FABP12: variants seen among roughly 807,000 people sequenced by gnomAD.
FABP12 encodes the protein fatty acid-binding protein 12.
A neutral mutation model predicts 13.7 loss-of-function variants in FABP12; 19 were observed. The ratio of observed to expected loss-of-function variants is 1.39; its 90% CI spans 0.97 to 2.04. The LOEUF is 2.04. Among genes scored for constraint, FABP12 ranks in the 30% most tolerant of loss-of-function variants. FABP12 has a pLI of 0.00. For missense variants in FABP12, 182 were observed against 164.2 expected, an observed-to-expected ratio of 1.11 and a Z score of -0.59; for synonymous variants, 61 against 57.0, an observed-to-expected ratio of 1.07 and a Z score of -0.32.
At chr8:81,552,430 G>T (rs189508248) in intron 1 of FABP12, among the ~76,000 whole-genome samples, 59 of 152,286 alleles carry the variant, frequency 3.9e-4, no homozygotes, top group Middle Eastern at 3.4e-3. Flanking sequence ...GGTGTTGGCA[G>T]CTGTTGAAGA....
At chr8:81,553,770 T>C (rs1273894624) in intron 1 of FABP12, among the ~76,000 whole-genome samples, 1 of 152,228 alleles carries the variant, frequency 6.6e-6, no homozygotes, top group African/African-American at 2.4e-5. Flanking sequence ...ATGTTACTTT[T>C]GTAGTGTTTC....
In FABP12 at chr8:81,549,209, G is replaced by A. The variant is rs542611860; in HGVS notation, c.-184-9466C>T. Among the ~76,000 whole-genome samples the A allele has an allele frequency of 3.1e-4, 42 of 137,274 alleles. 1 individual carries two copies. In the South Asian group the frequency reaches 6.4e-3, roughly 21 times the overall value. 90.1% of individuals were successfully genotyped at this position (137,274 alleles called of 152,430 possible). A position where few individuals can be genotyped will look rare whatever the true frequency, so the allele number is the denominator to read the frequency against. On this transcript the variant is annotated intron_variant, in intron 1 of 5. Coordinates refer to the FABP12 transcript ENST00000692030. ...CTCTTTCAATCTCTCTCTCTCTTTC[G>A]CCTCTACACAGACACACATACACAC...
At chr8:81,567,412 C>T (rs1481519812) in intron 1 of FABP12, among the ~76,000 whole-genome samples, 1 of 152,226 alleles carries the variant, frequency 6.6e-6, no homozygotes, top group Non-Finnish European at 1.5e-5. Flanking sequence ...TCAAATTACA[C>T]TGCAGAGCTA....
chr8:81,577,759 C>A (rs1810077393), intron 1 of FABP12, among the ~76,000 whole-genome samples: 1 of 151,954 alleles, frequency 6.6e-6, no homozygotes, highest in Non-Finnish European at 1.5e-5. Flanking sequence ...GACTCCGTCT[C>A]AAAAAAATAA....
At chr8:81,588,278 T>C (rs1810272703) in intron 1 of FABP12, among the ~76,000 whole-genome samples, 1 of 152,224 alleles carries the variant, frequency 6.6e-6, no homozygotes, top group Non-Finnish European at 1.5e-5. Flanking sequence ...GTTTTCTAGA[T>C]ATAGAATCAT....
chr8:81,574,978 T>A (rs1191269955), intron 1 of FABP12, among the ~76,000 whole-genome samples: 6 of 152,138 alleles, frequency 3.9e-5, no homozygotes, highest in African/African-American at 1.4e-4. Context: ...GGTTATTTCT[T>A]TTTTTCTGCT....
intron 1 of FABP12, among the ~76,000 whole-genome samples, chr8:81,561,193 T>TA (rs915125500): frequency 1.3e-5 from 2 of 152,188 alleles, no homozygotes. Flanking sequence ...TCCAAATCTC[T>TA]AAAACAGAGT....
At chr8:81,558,619 C>T (rs1356515939) in intron 1 of FABP12, among the ~76,000 whole-genome samples, 8 of 152,072 alleles carry the variant, frequency 5.3e-5, no homozygotes, top group Non-Finnish European at 1.0e-4. Flanking sequence ...GGGCAGGGCG[C>T]GGTGGCTCGT....
At chr8:81,584,255 G>T (rs960599160) in intron 1 of FABP12, among the ~76,000 whole-genome samples, 1 of 152,200 alleles carries the variant, frequency 6.6e-6, no homozygotes, top group Non-Finnish European at 1.5e-5. Flanking sequence ...TGTCAAAGGC[G>T]TGGTGTTAGA....
At chr8:81,525,720 G>A (rs1406058135) in intron 4 of FABP12, 1 of 152,040 alleles carries the variant, frequency 6.6e-6, no homozygotes, top group African/African-American at 2.4e-5. Context: ...ATACAATTTG[G>A]AATTTAAGTT....
intron 3 of FABP12, 51 bp downstream of exon 3, chr8:81,529,387 T>C: frequency 6.4e-7 from 1 of 1,572,242 alleles, no homozygotes; most frequent in Non-Finnish European, 8.8e-7. Flanking sequence ...GAGGATGATA[T>C]CTGACTAACA....
chr8:81,571,233 A>G (rs1011309582), intron 1 of FABP12, among the ~76,000 whole-genome samples: 1 of 152,218 alleles, frequency 6.6e-6, no homozygotes, highest in Non-Finnish European at 1.5e-5. Flanking sequence ...CAGCCAGAGC[A>G]GGCACCTCCG....
At chr8:81,528,678 C>T (rs1313208742) in intron 3 of FABP12, among the ~76,000 whole-genome samples, 1 of 152,086 alleles carries the variant, frequency 6.6e-6, no homozygotes, top group Non-Finnish European at 1.5e-5. Flanking sequence ...CTCTTACATT[C>T]TGGTGTAGGG....
At chr8:81,550,243 C>T (rs1157743921) in intron 1 of FABP12, among the ~76,000 whole-genome samples, 4 of 152,140 alleles carry the variant, frequency 2.6e-5, no homozygotes, top group African/African-American at 9.7e-5. Context: ...AAGATACAAC[C>T]TTGTTCTCAT....
intron 1 of FABP12, among the ~76,000 whole-genome samples, chr8:81,556,498 T>G (rs1809618072): frequency 1.3e-5 from 2 of 152,088 alleles, no homozygotes; most frequent in Admixed American, 6.5e-5. Context: ...ATATAGCAAT[T>G]CATTAACATT....
At chr8:81,545,389 T>C (rs769609816) in intron 1 of FABP12, among the ~76,000 whole-genome samples, 6 of 152,204 alleles carry the variant, frequency 3.9e-5, no homozygotes, top group Non-Finnish European at 5.9e-5. Flanking sequence ...ATGTGGATGA[T>C]TGATTAAAAT....
Position 81,529,684 on chromosome 8 carries a change from T to C in FABP12, c.74-74A>G. On this transcript the variant is annotated intron_variant, in intron 2 of 4. Transcript: ENST00000360464. ...AATACATTACATTACAATACAATAC[T>C]TAAATCTGTTGTTGACTCCAAAAAC... 3 of 1,322,320 alleles carry C rather than the reference T, an allele frequency of 2.3e-6. No individual in the cohort carries two copies. In the South Asian group the frequency reaches 4.3e-5, roughly 19 times the overall value. 81.9% of individuals were successfully genotyped at this position (1,322,320 alleles called of 1,614,324 possible).
chr8:81,563,209 C>A (rs778031639), intron 1 of FABP12, among the ~76,000 whole-genome samples: 15 of 152,218 alleles, frequency 9.9e-5, no homozygotes, highest in Non-Finnish European at 1.8e-4. Flanking sequence ...ATAGCCACAG[C>A]ATTACTGGGC....
intron 1 of FABP12, among the ~76,000 whole-genome samples, chr8:81,569,884 C>T (rs564419303): frequency 6.6e-6 from 1 of 152,318 alleles, no homozygotes; most frequent in East Asian, 1.9e-4. Context: ...CCAAGTTTTG[C>T]TCAGGCCTAC....
Sources: gnomAD v4.1 joint callset for allele counts (sites outside exome capture counted in the v4.1 genomes callset) on GRCh38, gnomAD v4.1.1 for gene constraint, MANE v1.5 for transcripts, NCBI Gene and HGNC (gene_info 2026-07-23, HGNC 2026-07-21) for gene names.